FMN2: variants seen among roughly 807,000 people sequenced by gnomAD.
FMN2 encodes the protein formin-2.
A neutral mutation model predicts 142.3 loss-of-function variants in FMN2; 51 were observed. The observed-to-expected ratio is 0.36, with a 90% confidence interval of 0.29 to 0.45. The LOEUF is 0.45. FMN2 is among the 20% of genes least tolerant of loss of function. FMN2 has a pLI of 1.00. For missense variants in FMN2, 1,936 were observed against 2,122.8 expected, an observed-to-expected ratio of 0.91 and a Z score of 1.73; for synonymous variants, 882 against 869.8, an observed-to-expected ratio of 1.01 and a Z score of -0.25.
intron 6 of FMN2, among the ~76,000 whole-genome samples, chr1:240,215,840 C>G (rs1016300955): frequency 1.1e-4 from 16 of 152,030 alleles, no homozygotes; most frequent in African/African-American, 3.9e-4. Flanking sequence ...TCCCAAGTAG[C>G]TGGGATTACA....
chr1:240,344,464 A>G (rs966077133), intron 13 of FMN2, among the ~76,000 whole-genome samples: 1 of 152,102 alleles, frequency 6.6e-6, no homozygotes, highest in Non-Finnish European at 1.5e-5. Context: ...AGCCTCAAGT[A>G]TTTCTCTTTC....
At chr1:240,176,622 C>A (rs1207251759) in intron 2 of FMN2, among the ~76,000 whole-genome samples, 1 of 152,178 alleles carries the variant, frequency 6.6e-6, no homozygotes, top group Non-Finnish European at 1.5e-5. Flanking sequence ...TTCAGGTTCT[C>A]CAATGATAGC....
chr1:240,286,942 C>T (rs898771262), intron 7 of FMN2, among the ~76,000 whole-genome samples: 5 of 152,080 alleles, frequency 3.3e-5, no homozygotes, highest in African/African-American at 9.7e-5. Flanking sequence ...AGTTATTTGT[C>T]GATGTGTCTT....
intron 6 of FMN2, among the ~76,000 whole-genome samples, chr1:240,246,713 T>A (rs574595167): frequency 6.6e-6 from 1 of 152,320 alleles, no homozygotes; most frequent in Admixed American, 6.5e-5. Context: ...ACTGCTTTAT[T>A]TTACAGAGAC....
At chr1:240,252,030 T>A (rs1668293508) in intron 6 of FMN2, among the ~76,000 whole-genome samples, 1 of 152,204 alleles carries the variant, frequency 6.6e-6, no homozygotes. Context: ...TGCCTCAGCC[T>A]TCCAAGTAGC....
intron 1 of FMN2, among the ~76,000 whole-genome samples, chr1:240,108,118 C>T (rs1333945134): frequency 6.6e-6 from 1 of 152,142 alleles, no homozygotes; most frequent in Non-Finnish European, 1.5e-5. Context: ...AGTAGAGTTT[C>T]ACTCTGCTTT....
chr1:240,346,987 C>T (rs113700347), intron 13 of FMN2, among the ~76,000 whole-genome samples: 1,943 of 152,228 alleles, frequency 0.013, 21 homozygotes, highest in African/African-American at 0.027. Flanking sequence ...ACAATTCAAA[C>T]AGATATTATG....
At chr1:240,293,128 TAGAA>T (rs1426352347) in intron 7 of FMN2, among the ~76,000 whole-genome samples, 4 of 152,232 alleles carry the variant, frequency 2.6e-5, no homozygotes, top group East Asian at 1.9e-4. Context: ...TTGCATGAGA[TAGAA>T]AGATGAGAAA....
At chr1:240,452,929 A>C (rs1203814712) in intron 16 of FMN2, among the ~76,000 whole-genome samples, 1 of 152,208 alleles carries the variant, frequency 6.6e-6, no homozygotes, top group Non-Finnish European at 1.5e-5. Flanking sequence ...TTTTCGTTTT[A>C]CAAAGGCTGA....
intron 6 of FMN2, among the ~76,000 whole-genome samples, chr1:240,222,419 G>A (rs12079991): frequency 0.32 from 48,451 of 151,778 alleles, 8,643 homozygotes; most frequent in African/African-American, 0.49. Context: ...GAAGTCAGGT[G>A]GTGTGATGCT....
intron 6 of FMN2, among the ~76,000 whole-genome samples, chr1:240,218,036 G>C (rs1357923447): frequency 6.6e-6 from 1 of 152,110 alleles, no homozygotes; most frequent in African/African-American, 2.4e-5. Flanking sequence ...TGTAATCCCA[G>C]CACTTTGGGA....
intron 2 of FMN2, among the ~76,000 whole-genome samples, chr1:240,137,772 A>T (rs1239959147): frequency 1.3e-5 from 2 of 152,062 alleles, no homozygotes; most frequent in African/African-American, 4.8e-5. Context: ...AGTGTACAGG[A>T]GGAGGAACAG....
intron 13 of FMN2, among the ~76,000 whole-genome samples, chr1:240,335,558 G>A (rs1438940127): frequency 2.0e-5 from 3 of 152,040 alleles, no homozygotes; most frequent in African/African-American, 7.2e-5. Context: ...TAGGGGATCT[G>A]GAAAATACTT....
chr1:240,159,264 A>G (rs1202333266), intron 2 of FMN2, among the ~76,000 whole-genome samples: 1 of 152,112 alleles, frequency 6.6e-6, no homozygotes, highest in East Asian at 1.9e-4. Flanking sequence ...TGGGGTTTAA[A>G]GTGAGCTGCT....
chr1:240,416,124 G>C (rs1009156833), intron 15 of FMN2, among the ~76,000 whole-genome samples: 2 of 152,022 alleles, frequency 1.3e-5, no homozygotes, highest in African/African-American at 4.8e-5. Flanking sequence ...CCTCCCATCA[G>C]TATCTCATCT....
chr1:240,373,099 G>A (rs942110025), intron 14 of FMN2, among the ~76,000 whole-genome samples: 10 of 152,184 alleles, frequency 6.6e-5, no homozygotes, highest in Admixed American at 1.3e-4. Context: ...CAGGAGAATC[G>A]CTTGAACCCA....
At chr1:240,212,664 C>T (rs993523989) in intron 6 of FMN2, among the ~76,000 whole-genome samples, 2 of 152,178 alleles carry the variant, frequency 1.3e-5, no homozygotes, top group Non-Finnish European at 2.9e-5. Flanking sequence ...ATCATATTTT[C>T]TCTGGCAGAG....
intron 16 of FMN2, among the ~76,000 whole-genome samples, chr1:240,455,754 G>A (rs1352809117): frequency 6.6e-6 from 1 of 151,956 alleles, no homozygotes; most frequent in African/African-American, 2.4e-5. Flanking sequence ...GGAGGGTGGA[G>A]CACCTGAGAT....
At chr1:240,407,785 G>C (rs188487281) in intron 15 of FMN2, among the ~76,000 whole-genome samples, 6 of 152,144 alleles carry the variant, frequency 3.9e-5, no homozygotes, top group Admixed American at 3.9e-4. Flanking sequence ...AGCCCATTTG[G>C]GTGAGACCAA....
Sources: allele counts gnomAD v4.1 joint callset (sites outside exome capture counted in the v4.1 genomes callset), GRCh38; gene constraint gnomAD v4.1.1; transcripts MANE v1.5; gene names NCBI Gene and HGNC (gene_info 2026-07-23, HGNC 2026-07-21).